The following DSCAML1 variants were observed in gnomAD, a reference collection of about 807,000 sequenced individuals.
DSCAML1 encodes the protein DS cell adhesion molecule like 1.
DSCAML1 carries 38 observed loss-of-function variants against 200.5 expected under a neutral mutation model. The ratio of observed to expected loss-of-function variants is 0.19; its 90% CI spans 0.15 to 0.25. The LOEUF is 0.25. DSCAML1 is among the 10% of genes least tolerant of loss of function. The pLI, the probability that DSCAML1 is intolerant of heterozygous loss-of-function variation, is 1.00. For missense variants in DSCAML1, 2,223 were observed against 2,858.8 expected (o/e 0.78, Z 5.07); for synonymous variants, 1,215 against 1,165.0 (o/e 1.04, Z -0.87).
At chr11:117,753,546 G>A (rs1263094834) in intron 3 of DSCAML1, among the ~76,000 whole-genome samples, 1 of 152,188 alleles carries the variant, frequency 6.6e-6, no homozygotes, top group African/African-American at 2.4e-5. Context: ...GTCTGAGCAG[G>A]GATAGCAACC....
chr11:117,557,554 G>T (rs1245585652), intron 3 of DSCAML1, among the ~76,000 whole-genome samples: 2 of 152,182 alleles, frequency 1.3e-5, no homozygotes, highest in African/African-American at 4.8e-5. Context: ...CAAGGGAGAG[G>T]CCCCAGGCGT....
intron 3 of DSCAML1, among the ~76,000 whole-genome samples, chr11:117,697,945 T>C (rs1353525577): frequency 6.6e-6 from 1 of 152,144 alleles, no homozygotes; most frequent in Non-Finnish European, 1.5e-5. Context: ...GTAATTTTTG[T>C]ATTTTTAGTA....
chr11:117,450,456 C>T, intron 20 of DSCAML1, 93 bp downstream of exon 20: 1 of 1,500,806 alleles, frequency 6.7e-7, no homozygotes, highest in Non-Finnish European at 9.0e-7. Flanking sequence ...CAGATACAGG[C>T]AGCCTCAGGG....
At chr11:117,517,941 C>T (rs59346420) in intron 7 of DSCAML1, among the ~76,000 whole-genome samples, 9,828 of 152,182 alleles carry the variant, frequency 0.065, 498 homozygotes, top group African/African-American at 0.13. Context: ...GTGAGCCTTG[C>T]GGGAGAAGAT....
At chr11:117,537,755 C>T (rs576002585) in intron 3 of DSCAML1, among the ~76,000 whole-genome samples, 4 of 152,346 alleles carry the variant, frequency 2.6e-5, no homozygotes, top group South Asian at 2.1e-4. Flanking sequence ...GAGGCGGAAG[C>T]AGAGGCAGGA....
intron 29 of DSCAML1, 123 bp downstream of exon 29, chr11:117,433,015 G>C: frequency 2.5e-6 from 2 of 796,402 alleles, no homozygotes; most frequent in Non-Finnish European, 4.2e-6. Flanking sequence ...GTTGTTGAGT[G>C]GTTGATGGGG....
intron 3 of DSCAML1, among the ~76,000 whole-genome samples, chr11:117,595,208 T>C (rs1024261341): frequency 2.0e-5 from 3 of 152,058 alleles, no homozygotes; most frequent in Non-Finnish European, 2.9e-5. Flanking sequence ...AAGTCAGTCA[T>C]TAGAATAGGG....
At chr11:117,536,943 G>A (rs2155392) in intron 3 of DSCAML1, among the ~76,000 whole-genome samples, 4 of 152,028 alleles carry the variant, frequency 2.6e-5, no homozygotes, top group South Asian at 2.1e-4. Flanking sequence ...ATGACTTTAC[G>A]TACATTATCT....
At chr11:117,736,709 C>A (rs573164321) in intron 3 of DSCAML1, among the ~76,000 whole-genome samples, 1 of 152,300 alleles carries the variant, frequency 6.6e-6, no homozygotes, top group Admixed American at 6.5e-5. Flanking sequence ...CACACATTTC[C>A]AAAAGCTTCT....
chr11:117,694,132 G>A lies in DSCAML1; in HGVS notation c.511+82659C>T, dbSNP rs144302014. Among the ~76,000 whole-genome samples the A allele has an allele frequency of 1.5e-3, 220 of 149,522 alleles. 1 individual carries two copies. Among genetic ancestry groups the A allele is most frequent in the African/African-American group, 5.2e-3 (213 of 41,078 alleles). On this transcript the variant is annotated intron_variant, in intron 3 of 32. Transcript: ENST00000651296. Reference sequence around the variant, plus strand: ...GATATGTGTCCATAGGCTGGGCACGGTGGCTCATGCATATAATCCCAGCAC... The same window carrying A: ...GATATGTGTCCATAGGCTGGGCACGATGGCTCATGCATATAATCCCAGCAC...
rs575745541 is a variant in DSCAML1 at position 117,591,512 on chromosome 11, C to T, written c.512-58990G>A. Among the ~76,000 whole-genome samples, 29 of 152,312 alleles carry T rather than the reference C, an allele frequency of 1.9e-4. No homozygotes were observed. The South Asian group carries it at 2.3e-3, about 12-fold the overall frequency. ...ATTGTATCAGAGCTGCAGGAATCTG[C>T]GAGTGCTATGCGAGCCGCGATTTGT... On this transcript the variant is annotated intron_variant, in intron 3 of 32. Transcript: ENST00000651296.
rs187880924 is a variant in DSCAML1 at position 117,694,224 on chromosome 11, G to A, written c.511+82567C>T. On this transcript the variant is annotated intron_variant, in intron 3 of 32. Coordinates refer to ENST00000651296, the MANE Select transcript of DSCAML1 (RefSeq NM_020693.4). ...TCGAGACCAGCCTGGCCAACATGGC[G>A]GAACCCTGTCTCTACTAAAAATACA... Among the ~76,000 whole-genome samples the A allele has an allele frequency of 1.9e-3, 284 of 151,716 alleles. 1 individual carries two copies. Among genetic ancestry groups the A allele is most frequent in the African/African-American group, 6.5e-3 (269 of 41,438 alleles).
At chr11:117,632,124 T>C (rs1029232248) in intron 3 of DSCAML1, among the ~76,000 whole-genome samples, 11 of 152,210 alleles carry the variant, frequency 7.2e-5, no homozygotes, top group African/African-American at 2.7e-4. Flanking sequence ...CGGAGGCTTT[T>C]CTCAGTCACT....
chr11:117,778,984 C>T (rs2055182875), intron 2 of DSCAML1, among the ~76,000 whole-genome samples: 1 of 152,082 alleles, frequency 6.6e-6, no homozygotes, highest in African/African-American at 2.4e-5. Context: ...CAGCTCTCAC[C>T]CCACCTCACC....
chr11:117,538,398 C>T (rs1185447387), intron 3 of DSCAML1, among the ~76,000 whole-genome samples: 5 of 152,274 alleles, frequency 3.3e-5, no homozygotes, highest in Admixed American at 3.3e-4. Context: ...CATGTCATCT[C>T]AGGAAGATGA....
chr11:117,466,863 G>A (rs555142822), intron 16 of DSCAML1, among the ~76,000 whole-genome samples: 1 of 152,308 alleles, frequency 6.6e-6, no homozygotes, highest in East Asian at 1.9e-4. Flanking sequence ...TAAGTTATAT[G>A]TATTTTGTTA....
At chr11:117,707,723 C>G (rs1446328622) in intron 3 of DSCAML1, among the ~76,000 whole-genome samples, 1 of 151,786 alleles carries the variant, frequency 6.6e-6, no homozygotes, top group East Asian at 1.9e-4. Flanking sequence ...TTAGTAGAGA[C>G]GGGGTTTCAC....
chr11:117,769,043 G>A (rs1184126102), intron 3 of DSCAML1, among the ~76,000 whole-genome samples: 1 of 125,020 alleles, frequency 8.0e-6, no homozygotes, highest in East Asian at 2.2e-4. Context: ...CTGGGTGACA[G>A]AGCAAGATTC....
chr11:117,536,191 A>ATGTT (rs1291424827), intron 3 of DSCAML1, among the ~76,000 whole-genome samples: 2 of 152,202 alleles, frequency 1.3e-5, no homozygotes, highest in African/African-American at 4.8e-5. Flanking sequence ...TCAGTTCTGC[A>ATGTT]TGTTTGATGA....
Sources: allele counts gnomAD v4.1 joint callset (sites outside exome capture counted in the v4.1 genomes callset), GRCh38; gene constraint gnomAD v4.1.1; transcripts MANE v1.5; gene names NCBI Gene and HGNC (gene_info 2026-07-23, HGNC 2026-07-21).